Variants in FSIP2 observed in about 807,000 individuals in gnomAD.
FSIP2 encodes fibrous sheath interacting protein 2, also known as fibrous sheath-interacting protein 2.
Under a neutral mutation model 510.5 loss-of-function variants are expected in FSIP2, and 367 were observed. That is an observed-to-expected ratio of 0.72 (90% CI 0.66 to 0.78). The LOEUF is 0.78. Ranked by LOEUF, FSIP2 falls within the 30% of genes least tolerant of loss-of-function variation. FSIP2 has a pLI of 0.00. For missense variants in FSIP2, 7,594 were observed against 7,901.7 expected (o/e 0.96, Z 1.48); for synonymous variants, 2,601 against 2,732.2 (o/e 0.95, Z 1.50).
At chr2:185,770,328 T>G (rs1692581033) in intron 13 of FSIP2, among the ~76,000 whole-genome samples, 1 of 152,176 alleles carries the variant, frequency 6.6e-6, no homozygotes. Context: ...TCATTCATTT[T>G]CTGGTTGTTG....
Position 185,809,153 on chromosome 2 carries a change from C to A in FSIP2, c.19827+20C>A. 6.6e-7 allele frequency: 1 copy of A among 1,521,046 alleles called. No individual in the cohort carries two copies. The highest frequency in any genetic ancestry group is 1.4e-5 in the South Asian group (1 of 73,482). The allele number at this position is 1,521,046 out of a possible 1,614,324, so 94.2% of individuals were successfully genotyped here. On this transcript the variant is annotated intron_variant, in intron 17 of 22. Coordinates refer to ENST00000424728, the MANE Select transcript of FSIP2 (RefSeq NM_173651.4). ...CTAGAGGTAAGTGCAAAAGCAATGG[C>A]ATGAAAATGAGTGAATAGTGAGACA... is the stretch of plus-strand genomic sequence containing the variant.
chr2:185,794,818 A>T lies in FSIP2; in HGVS notation c.7682A>T (p.Asn2561Ile). Reference sequence around the variant, plus strand: ...GTAGTTGTGACATCATTATATGAAAATAATAAAAGTAGGACAGAAGTTGAA... The same window carrying T: ...GTAGTTGTGACATCATTATATGAAATTAATAAAAGTAGGACAGAAGTTGAA... The part of the protein sequence containing the change: ...YLVVVTSLYE[N>I]NKSRTEVEIS... The change falls in exon 16 of 23, where the codon AAT becomes ATT. Residue 2561 changes from asparagine to isoleucine, a missense_variant. Coordinates refer to ENST00000424728, the MANE Select transcript of FSIP2 (RefSeq NM_173651.4). 2.0e-6 allele frequency: 3 copies of T among 1,532,676 alleles called. No individual in the cohort carries two copies. The highest frequency in any genetic ancestry group is 2.6e-6 in the Non-Finnish European group (3 of 1,144,626). 94.9% of individuals were successfully genotyped at this position (1,532,676 alleles called of 1,614,324 possible).
chr2:185,792,378 G>A lies in FSIP2; in HGVS notation c.5242G>A (p.Val1748Met), dbSNP rs1209113715. Residue 1748 changes from valine (V) to methionine (M), a missense_variant, in exon 16 of 23, where the codon GTG (valine) becomes ATG (methionine). Coordinates refer to ENST00000424728, the MANE Select transcript of FSIP2 (RefSeq NM_173651.4). ...TGAGAGATCCCCACAAAGAGAAGAA[G>A]TGAAAACACGTTCTCTTAAACAATG... ...IDERSPQREE[V>M]KTRSLKQWAL... 1 of 1,532,096 alleles carries A rather than the reference G, an allele frequency of 6.5e-7. No homozygotes were observed. The highest frequency in any genetic ancestry group is 1.2e-5 in the South Asian group (1 of 83,502). 94.9% of individuals were successfully genotyped at this position (1,532,096 alleles called of 1,614,324 possible).
chr2:185,820,354 G>A lies in FSIP2; in HGVS notation c.20427-4080G>A, dbSNP rs542258203. On this transcript the variant is annotated intron_variant, in intron 19 of 22. Coordinates refer to ENST00000424728, the MANE Select transcript of FSIP2 (RefSeq NM_173651.4). Reference sequence around the variant, plus strand: ...GGTCTCCCTAGGTATACAGAACTGTGACTCAATTAAACCTCTTTCCTTTAT... The same window carrying A: ...GGTCTCCCTAGGTATACAGAACTGTAACTCAATTAAACCTCTTTCCTTTAT... 2.3e-4 allele frequency among the ~76,000 whole-genome samples: 35 copies of A among 151,918 alleles called. No homozygotes were observed. The South Asian group carries it at 4.6e-3, about 20-fold the overall frequency.
rs369379081 is a variant in FSIP2 at position 185,763,189 on chromosome 2, T to A, written c.1247T>A (p.Ile416Lys). The change falls in exon 12 of 23, where the codon ATA becomes AAA. Residue 416 changes from isoleucine (I) to lysine (K), a missense_variant. By Grantham distance (102) the Ile-to-Lys change is moderately radical (BLOSUM62 -3). Transcript: ENST00000424728. ...TTATCTCTTCTTTCTCTAGGAGGTA[T>A]AAATATTTCAGGCCAAGGTTCAATT... ...NSSIFDDRGG[I>K]NISGQGSIIS... 9.5e-5 allele frequency: 133 copies of A among 1,406,566 alleles called. 1 individual carries two copies. The African/African-American group carries it at 1.8e-3, about 19-fold the overall frequency. 87.1% of individuals were successfully genotyped at this position (1,406,566 alleles called of 1,614,324 possible).
At chr2:185,775,637 C>T (rs1381223629) in intron 13 of FSIP2, among the ~76,000 whole-genome samples, 1 of 151,908 alleles carries the variant, frequency 6.6e-6, no homozygotes, top group African/African-American at 2.4e-5. Flanking sequence ...CTCTATCTTC[C>T]AAAATTGTGG....
In FSIP2 at chr2:185,802,326, C is replaced by A. The variant is rs764598928; in HGVS notation, c.13020C>A (p.Asn4340Lys). 4.6e-6 allele frequency: 7 copies of A among 1,533,584 alleles called. No individual in the cohort carries two copies. The highest frequency in any genetic ancestry group is 1.7e-4 in the Middle Eastern group (1 of 6,000). 95.0% of individuals were successfully genotyped at this position (1,533,584 alleles called of 1,614,324 possible). ...AAAACATGACCCAAAGAATAGTAAA[C>A]TCCATAAATAGGCATTTCAATAAAG... ...ELKNMTQRIV[N>K]SINRHFNKAK... The change falls in exon 17 of 23, where the codon AAC becomes AAA. Residue 4340 changes from asparagine (N) to lysine (K), a missense_variant. By Grantham distance (94) the Asn-to-Lys change is moderately conservative (BLOSUM62 0). Transcript: ENST00000424728.
In FSIP2 at chr2:185,805,870, G is replaced by GA; in HGVS notation, c.16568dup (p.Asn5523LysfsTer2). On this transcript the variant is annotated frameshift_variant, in exon 17 of 23. Coordinates refer to ENST00000424728, the MANE Select transcript of FSIP2 (RefSeq NM_173651.4). LOFTEE classifies it high-confidence loss of function. ...TGTGACAAATAAAAAGGAAGTGGAT[G>GA]AAAATAAAGTGGGAATTTGTACTCA... is the stretch of plus-strand genomic sequence containing the variant. The GA allele has an allele frequency of 6.2e-7, 1 of 1,608,690 alleles. No individual in the cohort carries two copies. The highest frequency in any genetic ancestry group is 8.5e-7 in the Non-Finnish European group (1 of 1,177,698).
chr2:185,769,835 G>A (rs1310677773), intron 13 of FSIP2, among the ~76,000 whole-genome samples: 2 of 152,088 alleles, frequency 1.3e-5, no homozygotes, highest in Non-Finnish European at 1.5e-5. Flanking sequence ...CATATGGCTA[G>A]CCAGTTATTC....
chr2:185,810,434 T>C (rs1287751644), intron 17 of FSIP2, among the ~76,000 whole-genome samples: 1 of 152,020 alleles, frequency 6.6e-6, no homozygotes, highest in Non-Finnish European at 1.5e-5. Flanking sequence ...TGCCTGCACT[T>C]ATTTTGCTTT....
At chr2:185,759,526 AATT>A (rs1402988899) in intron 9 of FSIP2, among the ~76,000 whole-genome samples, 4 of 145,540 alleles carry the variant, frequency 2.7e-5, no homozygotes, top group African/African-American at 9.9e-5. Context: ...TATATAAGAT[AATT>A]AACTTTTTTA....
chr2:185,763,912 C>A (rs1183099849), intron 12 of FSIP2, among the ~76,000 whole-genome samples: 1 of 151,446 alleles, frequency 6.6e-6, no homozygotes, highest in Non-Finnish European at 1.5e-5. Context: ...TACCACAATG[C>A]GATTTTCTGT....
chr2:185,796,830 A>G lies in FSIP2; in HGVS notation c.9694A>G (p.Met3232Val). Residue 3232 changes from methionine (M) to valine (V), a missense_variant, in exon 16 of 23, where the codon ATG (methionine) becomes GTG (valine). Coordinates refer to ENST00000424728, the MANE Select transcript of FSIP2 (RefSeq NM_173651.4). ...EPTKRPDSET[M>V]PSCSTRNKVQ... Reference sequence around the variant, plus strand: ...AACGAAAAGGCCTGATTCAGAAACTATGCCATCGTGTTCTACTAGAAACAA... The same window carrying G: ...AACGAAAAGGCCTGATTCAGAAACTGTGCCATCGTGTTCTACTAGAAACAA... The G allele has an allele frequency of 1.3e-6, 2 of 1,535,210 alleles. No homozygotes were observed. The highest frequency in any genetic ancestry group is 1.7e-6 in the Non-Finnish European group (2 of 1,146,308).
chr2:185,738,630 G>A, upstream of FSIP2: 1 of 1,536,040 alleles, frequency 6.5e-7, no homozygotes, highest in Non-Finnish European at 8.7e-7. Context: ...AGAGAAAGAT[G>A]AAGTTTCAAC....
upstream of FSIP2, chr2:185,738,326 A>C: frequency 2.5e-6 from 1 of 393,600 alleles, no homozygotes. Flanking sequence ...GGAGAGTGGT[A>C]AAGGGCGCTA....
chr2:185,816,726 TG>T (rs1693832187), intron 19 of FSIP2, among the ~76,000 whole-genome samples: 1 of 151,680 alleles, frequency 6.6e-6, no homozygotes, highest in Non-Finnish European at 1.5e-5. Flanking sequence ...GGAATGGTCA[TG>T]TGCACCTAGT....
At chr2:185,781,099 C>T (rs974295808) in intron 13 of FSIP2, among the ~76,000 whole-genome samples, 78 of 138,888 alleles carry the variant, frequency 5.6e-4, no homozygotes, top group African/African-American at 2.1e-3. Flanking sequence ...AGATGTAGCT[C>T]ATTGGGATCC....
rs1276257184 is a variant in FSIP2 at position 185,802,312 on chromosome 2, C to G, written c.13006C>G (p.Gln4336Glu). The G allele has an allele frequency of 6.5e-7, 1 of 1,533,636 alleles. No homozygotes were observed. Among genetic ancestry groups the G allele is most frequent in the Non-Finnish European group, 8.7e-7 (1 of 1,145,278 alleles). ...NTEIELKNMT[Q>E]RIVNSINRHF... is the part of the protein sequence containing the mutation. ...TGAAATTGAGTTGAAAAACATGACC[C>G]AAAGAATAGTAAACTCCATAAATAG... The change falls in exon 17 of 23, where the codon CAA (glutamine) becomes GAA (glutamate). Residue 4336 changes from glutamine (Q) to glutamate (E), a missense_variant. Transcript: ENST00000424728.
intron 13 of FSIP2, among the ~76,000 whole-genome samples, chr2:185,768,483 A>G (rs13012387): frequency 9.2e-5 from 14 of 152,124 alleles, no homozygotes; most frequent in Non-Finnish European, 1.6e-4. Context: ...GCCTGTGGAC[A>G]TACCGTTTTC....
Sources: allele counts gnomAD v4.1 joint callset (sites outside exome capture counted in the v4.1 genomes callset), GRCh38; gene constraint gnomAD v4.1.1; transcripts MANE v1.5; gene names NCBI Gene and HGNC (gene_info 2026-07-23, HGNC 2026-07-21).